Variants in PPARGC1A observed in about 807,000 individuals in gnomAD.
The protein encoded by PPARGC1A is peroxisome proliferator-activated receptor gamma coactivator 1-alpha.
A neutral mutation model predicts 88.7 loss-of-function variants in PPARGC1A; 25 were observed. The observed-to-expected ratio is 0.28, with a 90% CI of 0.21 to 0.39. The LOEUF is 0.39. Ranked by LOEUF, PPARGC1A falls within the 10% of genes least tolerant of loss-of-function variation. PPARGC1A has a pLI of 1.00. For synonymous variants in PPARGC1A, 363 were observed against 355.6 expected (o/e 1.02, Z -0.24); for missense variants, 880 against 968.7 (o/e 0.91, Z 1.22).
At chr4:23,953,662 A>C in the PPARGC1A span, among the ~76,000 whole-genome samples, 2 of 152,046 alleles carry the variant, frequency 1.3e-5, no homozygotes, top group Non-Finnish European at 2.9e-5. Flanking sequence ...GCATTGCATG[A>C]TCTGTTGATT....
At position 23,814,083 on chromosome 4, in the gene PPARGC1A, C is replaced by T. The variant is rs146774675; in HGVS notation, c.1400G>A (p.Gly467Asp). The stretch of plus-strand genomic sequence containing the variant: ...GTCAAAAACAGCTTGACTGGGATGA[C>T]CGAAGTGCTTGTTCAGCTCGGCTCG... ...EIRAELNKHFGHPSQAVFDDE... is the reference protein window; with the variant it reads ...EIRAELNKHFDHPSQAVFDDE... The change falls in exon 8 of 13, where the codon GGT becomes GAT. Residue 467 changes from glycine to aspartate, a missense_variant. By Grantham distance (94) the Gly-to-Asp change is moderately conservative (BLOSUM62 -1). Coordinates refer to ENST00000264867, the MANE Select transcript of PPARGC1A (RefSeq NM_013261.5). 2 of 1,614,070 alleles carry T rather than the reference C, an allele frequency of 1.2e-6. No homozygotes were observed. Among genetic ancestry groups the T allele is most frequent in the Non-Finnish European group, 1.7e-6 (2 of 1,179,990 alleles).
At chr4:23,910,229 TATATATA>T in the PPARGC1A span, among the ~76,000 whole-genome samples, 46 of 106,822 alleles carry the variant, frequency 4.3e-4, 1 homozygote, top group African/African-American at 1.6e-3. Context: ...TATAATATAT[TATATATA>T]ATATATATAA....
chr4:23,832,188 A>G (rs150903736), intron 2 of PPARGC1A, among the ~76,000 whole-genome samples: 5 of 152,296 alleles, frequency 3.3e-5, no homozygotes, highest in African/African-American at 1.2e-4. Context: ...AACTGTCTAG[A>G]CAGCTCTTTA....
chr4:24,349,174 G>A, the PPARGC1A span, among the ~76,000 whole-genome samples: 2 of 152,224 alleles, frequency 1.3e-5, no homozygotes, highest in African/African-American at 2.4e-5. Flanking sequence ...CTCAGCCGTG[G>A]ATACCGGTGC....
the PPARGC1A span, among the ~76,000 whole-genome samples, chr4:24,417,365 C>T: frequency 6.6e-6 from 1 of 152,148 alleles, no homozygotes; most frequent in Non-Finnish European, 1.5e-5. Context: ...CCTTCCTTCC[C>T]CTGGGAAGAA....
chr4:23,897,648 C>T (rs1718761496), intron 1 of PPARGC1A, among the ~76,000 whole-genome samples: 1 of 49,688 alleles, frequency 2.0e-5, no homozygotes, highest in African/African-American at 1.2e-4. Context: ...GCAACTGGCG[C>T]TCAGTGTTGC....
chr4:24,308,008 C>A, the PPARGC1A span, among the ~76,000 whole-genome samples: 7 of 152,106 alleles, frequency 4.6e-5, no homozygotes, highest in East Asian at 1.4e-3. Flanking sequence ...GAAATCAGAT[C>A]GGGCTGGGTG....
chr4:23,955,823 T>C, the PPARGC1A span, among the ~76,000 whole-genome samples: 1 of 152,088 alleles, frequency 6.6e-6, no homozygotes, highest in African/African-American at 2.4e-5. Flanking sequence ...AAGTAACTAA[T>C]TACATATTGA....
chr4:24,146,860 A>C, the PPARGC1A span, among the ~76,000 whole-genome samples: 4 of 152,114 alleles, frequency 2.6e-5, no homozygotes, highest in African/African-American at 9.7e-5. Context: ...CTTCCTTGTT[A>C]TTCTTTTCCA....
At chr4:24,302,202 T>C in the PPARGC1A span, among the ~76,000 whole-genome samples, 2 of 152,216 alleles carry the variant, frequency 1.3e-5, no homozygotes, top group Admixed American at 1.3e-4. Flanking sequence ...ATGGTTATGT[T>C]ATCTGATGTT....
chr4:24,268,237 G>C, the PPARGC1A span, among the ~76,000 whole-genome samples: 8 of 152,184 alleles, frequency 5.3e-5, no homozygotes, highest in Non-Finnish European at 5.9e-5. Flanking sequence ...TTAGCTGAAA[G>C]GGTGGGTTAA....
the PPARGC1A span, among the ~76,000 whole-genome samples, chr4:24,212,985 C>A: frequency 6.6e-6 from 1 of 152,092 alleles, no homozygotes; most frequent in Non-Finnish European, 1.5e-5. Context: ...TGAAGGTAGG[C>A]CTTTGACAGG....
chr4:23,922,466 T>A, the PPARGC1A span, among the ~76,000 whole-genome samples: 1 of 152,252 alleles, frequency 6.6e-6, no homozygotes, highest in Admixed American at 6.5e-5. Context: ...ATAGCTAAGA[T>A]GAACTCCATC....
At chr4:24,258,155 C>T in the PPARGC1A span, 20 of 896,038 alleles carry the variant, frequency 2.2e-5, no homozygotes, top group African/African-American at 3.4e-4. Context: ...TTGGTATTTG[C>T]ACTTCAGAAT....
At chr4:24,318,141 G>A in the PPARGC1A span, among the ~76,000 whole-genome samples, 1 of 152,190 alleles carries the variant, frequency 6.6e-6, no homozygotes, top group Non-Finnish European at 1.5e-5. Context: ...TTAATGATTT[G>A]TCAAATGAAG....
chr4:24,253,910 C>T, the PPARGC1A span, among the ~76,000 whole-genome samples: 1 of 152,176 alleles, frequency 6.6e-6, no homozygotes, highest in Non-Finnish European at 1.5e-5. Context: ...AAGTAGCTAT[C>T]CTGTATGTAT....
At chr4:24,221,884 C>T in the PPARGC1A span, among the ~76,000 whole-genome samples, 1 of 152,164 alleles carries the variant, frequency 6.6e-6, no homozygotes, top group Non-Finnish European at 1.5e-5. Flanking sequence ...GTTCTTCACT[C>T]AAAGTTCACC....
chr4:24,081,179 A>G, the PPARGC1A span, among the ~76,000 whole-genome samples: 3 of 152,186 alleles, frequency 2.0e-5, no homozygotes, highest in Non-Finnish European at 4.4e-5. Context: ...TTTTGGTATT[A>G]TTACAACACA....
the PPARGC1A span, among the ~76,000 whole-genome samples, chr4:24,221,673 C>T: frequency 1.2e-4 from 19 of 152,120 alleles, no homozygotes; most frequent in Admixed American, 2.0e-4. Flanking sequence ...TTTGGGAGGC[C>T]GAGGCAGGAG....
Sources: allele counts gnomAD v4.1 joint callset (sites outside exome capture counted in the v4.1 genomes callset), GRCh38; gene constraint gnomAD v4.1.1; transcripts MANE v1.5; gene names NCBI Gene and HGNC (gene_info 2026-07-23, HGNC 2026-07-21).